CDK13: variants seen among roughly 807,000 people sequenced by gnomAD.
CDK13 encodes cyclin-dependent kinase 13.
In CDK13, 40 loss-of-function variants were observed where a neutral mutation model predicts 137.6. That is an observed-to-expected ratio of 0.29 (90% confidence interval 0.23 to 0.38). The LOEUF is 0.38. CDK13 is among the 10% of genes least tolerant of loss of function. The pLI is 1.00. For synonymous variants in CDK13, 869 were observed against 760.1 expected, an observed-to-expected ratio of 1.14 and a Z score of -2.36; for missense variants, 1,704 against 1,951.8, an observed-to-expected ratio of 0.87 and a Z score of 2.39.
chr7:40,036,407 A>G (rs1323876215), intron 5 of CDK13, among the ~76,000 whole-genome samples: 1 of 152,128 alleles, frequency 6.6e-6, no homozygotes, highest in Non-Finnish European at 1.5e-5. Context: ...CCCTGTCTCT[A>G]CCAAAAGTAC....
At chr7:40,042,291 G>C (rs1011444379) in intron 5 of CDK13, among the ~76,000 whole-genome samples, 1 of 151,690 alleles carries the variant, frequency 6.6e-6, no homozygotes, top group Non-Finnish European at 1.5e-5. Context: ...ATGTTGGCCA[G>C]GCTGGTCTCG....
At chr7:39,965,813 G>T (rs1422645712) in intron 1 of CDK13, among the ~76,000 whole-genome samples, 1 of 152,112 alleles carries the variant, frequency 6.6e-6, no homozygotes, top group African/African-American at 2.4e-5. Flanking sequence ...GGCAGGCCTG[G>T]TGGTGACAAA....
In CDK13 at chr7:40,094,649, C is replaced by T. The variant is rs769327467; in HGVS notation, c.4208C>T (p.Ser1403Leu). The T allele has an allele frequency of 5.6e-6, 9 of 1,613,994 alleles. No homozygotes were observed. Among genetic ancestry groups the T allele is most frequent in the African/African-American group, 5.3e-5 (4 of 74,910 alleles). Reference protein sequence around the residue: ...PSAFSESFPSSVAGYGDIYLN... With the variant: ...PSAFSESFPSLVAGYGDIYLN... Reference sequence around the variant, plus strand: ...GCCTTTTCTGAGTCATTTCCCAGTTCAGTAGCTGGATATGGAGACATTTAC... The same window carrying T: ...GCCTTTTCTGAGTCATTTCCCAGTTTAGTAGCTGGATATGGAGACATTTAC... Residue 1403 changes from serine (S) to leucine (L), a missense_variant, in exon 14 of 14, where the codon TCA becomes TTA. This residue lies in a region of CDK13 where 475 missense variants were observed against 579.3 expected (regional missense o/e 0.82). Transcript: ENST00000181839.
intron 2 of CDK13, among the ~76,000 whole-genome samples, chr7:39,992,163 G>GGGGGTT: frequency 6.8e-6 from 1 of 146,408 alleles, no homozygotes; most frequent in South Asian, 2.2e-4. Flanking sequence ...AACTAATGAG[G>GGGGGTT]GTGTGTGTGT....
Position 40,078,119 on chromosome 7 carries a change from T to G in CDK13, c.2895T>G (p.Val965=), listed in dbSNP as rs1786586782. 1 of 1,516,710 alleles carries G rather than the reference T, an allele frequency of 6.6e-7. No individual in the cohort carries two copies. Among genetic ancestry groups the G allele is most frequent in the South Asian group, 1.2e-5 (1 of 84,146 alleles). The allele number at this position is 1,516,710 out of a possible 1,614,324, so 94.0% of individuals were successfully genotyped here. The change falls in exon 10 of 14, where the codon GTT becomes GTG. Residue 965 remains valine, a splice_region_variant and synonymous_variant. Coordinates refer to ENST00000181839, the MANE Select transcript of CDK13 (RefSeq NM_003718.5). The part of the protein sequence containing the change: ...QYRRKLREEF[V]FIPAAALDLF... Reference sequence around the variant, plus strand: ...GTCGAAAGTTAAGAGAAGAATTTGTTTTGTAAGAAGGGGATGTGTAAACAT... The same window carrying G: ...GTCGAAAGTTAAGAGAAGAATTTGTGTTGTAAGAAGGGGATGTGTAAACAT...
At position 39,997,522 on chromosome 7, in the gene CDK13, G is replaced by A. The variant is rs1428214975; in HGVS notation, c.1900G>A (p.Val634Ile). ...ACGAGGAAATATTTCAGTAAAAGCA[G>A]TTAAAAAAGAAGTAGAAAAGAAACT... ...SLRGNISVKA[V>I]KKEVEKKLRC... Residue 634 changes from valine (V) to isoleucine (I), a missense_variant, in exon 3 of 14, where the codon GTT becomes ATT. Physicochemically the swap from Val to Ile is conservative, Grantham distance 29 (BLOSUM62 3). Around this residue, in one of 5 missense-constraint regions of CDK13, gnomAD observed 1,051 missense variants for 931.0 expected, o/e 1.13. Coordinates refer to ENST00000181839, the MANE Select transcript of CDK13 (RefSeq NM_003718.5). The A allele has an allele frequency of 6.2e-7, 1 of 1,600,680 alleles. No individual in the cohort carries two copies. The highest frequency in any genetic ancestry group is 2.2e-5 in the East Asian group (1 of 44,662).
Position 39,950,284 on chromosome 7 carries a change from A to G in CDK13, c.-358A>G, listed in dbSNP as rs1013062321. 85 of 1,068,152 alleles carry G rather than the reference A, an allele frequency of 8.0e-5. No individual in the cohort carries two copies. The highest frequency in any genetic ancestry group is 8.1e-5 in the Non-Finnish European group (72 of 883,818). The allele number at this position is 1,068,152 out of a possible 1,614,324, so 66.2% of individuals were successfully genotyped here. A position where few individuals can be genotyped will look rare whatever the true frequency, so the allele number is the denominator to read the frequency against. ...TCCGCGTTGCGCTGCCCGAGCCGAG[A>G]GCGCGGCCAAGGCCGCTCCCCCACC... On this transcript the variant is annotated 5_prime_UTR_variant, in exon 1 of 14. Transcript: ENST00000181839.
intron 5 of CDK13, among the ~76,000 whole-genome samples, chr7:40,011,702 A>G (rs1018220999): frequency 3.3e-5 from 5 of 149,696 alleles, no homozygotes; most frequent in Non-Finnish European, 7.5e-5. Context: ...GGTAGGAGTA[A>G]GACTTTATGA....
chr7:40,019,689 A>C (rs73127895), intron 5 of CDK13, among the ~76,000 whole-genome samples: 7,773 of 152,302 alleles, frequency 0.051, 286 homozygotes, highest in Non-Finnish European at 0.076. Context: ...ACTGGGCACT[A>C]TAGCCTAGCC....
intron 1 of CDK13, chr7:39,984,335 A>G (rs939448758): frequency 6.6e-6 from 1 of 152,054 alleles, no homozygotes; most frequent in Non-Finnish European, 1.5e-5. Flanking sequence ...GCTTTAGCCC[A>G]AGAAGTCGAG....
intron 1 of CDK13, among the ~76,000 whole-genome samples, chr7:39,974,879 T>C (rs1784074044): frequency 6.6e-6 from 1 of 152,170 alleles, no homozygotes; most frequent in Non-Finnish European, 1.5e-5. Context: ...TCCTTTTATT[T>C]CTTATCCTTG....
chr7:40,081,735 C>T (rs896873391), intron 11 of CDK13, among the ~76,000 whole-genome samples: 1 of 152,132 alleles, frequency 6.6e-6, no homozygotes, highest in Non-Finnish European at 1.5e-5. Flanking sequence ...GCCTCAGCCT[C>T]CTGAGTACCT....
At chr7:40,055,572 A>ATTTT (rs1202058166) in intron 7 of CDK13, among the ~76,000 whole-genome samples, 45 of 128,626 alleles carry the variant, frequency 3.5e-4, no homozygotes, top group African/African-American at 9.4e-4. Context: ...AGGATTCTGG[A>ATTTT]TTTTTTTTTT....
intron 1 of CDK13, among the ~76,000 whole-genome samples, chr7:39,981,229 G>T (rs1451698172): frequency 1.3e-5 from 2 of 152,022 alleles, no homozygotes; most frequent in Non-Finnish European, 2.9e-5. Context: ...TTAGTCGAGT[G>T]TGGTGGTGCG....
chr7:40,002,902 A>C (rs967188421), intron 5 of CDK13, among the ~76,000 whole-genome samples: 8 of 87,884 alleles, frequency 9.1e-5, no homozygotes, highest in Admixed American at 2.2e-4. Context: ...CCATCTCTAC[A>C]AAAAAAAAAA....
At chr7:40,030,048 T>C (rs1785334605) in intron 5 of CDK13, among the ~76,000 whole-genome samples, 1 of 152,146 alleles carries the variant, frequency 6.6e-6, no homozygotes, top group Admixed American at 6.6e-5. Flanking sequence ...CCTACCCCTT[T>C]TGCTCTGATT....
chr7:40,074,537 AAAAG>A (rs1440324836), intron 9 of CDK13, among the ~76,000 whole-genome samples: 17 of 151,262 alleles, frequency 1.1e-4, no homozygotes, highest in African/African-American at 3.2e-4. Flanking sequence ...AAAAAAAAAA[AAAAG>A]AAAGTAAATA....
chr7:40,044,876 TC>T (rs1785701266), intron 5 of CDK13, among the ~76,000 whole-genome samples: 1 of 152,156 alleles, frequency 6.6e-6, no homozygotes, highest in Admixed American at 6.5e-5. Flanking sequence ...GACCTCATGA[TC>T]CGCCCACCTT....
At chr7:40,055,436 A>G (rs1785992631) in intron 7 of CDK13, among the ~76,000 whole-genome samples, 1 of 152,160 alleles carries the variant, frequency 6.6e-6, no homozygotes. Flanking sequence ...CCATGAAAGA[A>G]AAAAGCATCG....
Sources: allele counts gnomAD v4.1 joint callset (sites outside exome capture counted in the v4.1 genomes callset), GRCh38; gene constraint gnomAD v4.1.1; regional missense constraint gnomAD v4.1.1; transcripts MANE v1.5; gene names NCBI Gene and HGNC (gene_info 2026-07-23, HGNC 2026-07-21).